The following MYO16 variants were observed in gnomAD, a reference collection of about 807,000 sequenced individuals.
The protein encoded by MYO16 is unconventional myosin-XVI.
MYO16 carries 94 observed loss-of-function variants against 205.3 expected under a neutral mutation model. That is an observed-to-expected ratio of 0.46 (90% CI 0.39 to 0.54). MYO16 has a LOEUF of 0.54. MYO16 is among the 20% of genes least tolerant of loss of function. MYO16 has a pLI of 0.00. For synonymous variants in MYO16, 988 were observed against 954.0 expected (o/e 1.04, Z -0.66); for missense variants, 2,315 against 2,387.5 (o/e 0.97, Z 0.63).
At chr13:108,864,137 TC>T (rs528339409) in intron 11 of MYO16, among the ~76,000 whole-genome samples, 147 of 152,312 alleles carry the variant, frequency 9.7e-4, no homozygotes, top group Admixed American at 2.7e-3. Context: ...TTCACCCTAT[TC>T]CATTGATTTC....
chr13:109,055,531 G>C lies in MYO16; in HGVS notation c.3271G>C (p.Glu1091Gln). The part of the protein sequence containing the change: ...SAQLQYIGVL[E>Q]MVKIFRYGYP... ...TCAGCTACAATATATTGGGGTCCTG[G>C]AGATGGTGAAGATCTTCCGATATGG... Residue 1091 changes from glutamate (E) to glutamine (Q), a missense_variant, in exon 27 of 35, where the codon GAG becomes CAG. Around this residue, in one of 3 missense-constraint regions of MYO16, gnomAD observed 1,097 missense variants for 1,092.0 expected, o/e 1.00. Transcript: ENST00000457511. The surrounding 1 kb of genome is among the most constrained non-coding windows in gnomAD (Gnocchi z 5.0). The C allele has an allele frequency of 6.2e-7, 1 of 1,613,200 alleles. No homozygotes were observed. The highest frequency in any genetic ancestry group is 1.1e-5 in the South Asian group (1 of 91,070).
At chr13:108,731,467 C>G (rs1206158953) in intron 4 of MYO16, among the ~76,000 whole-genome samples, 1 of 152,142 alleles carries the variant, frequency 6.6e-6, no homozygotes, top group Non-Finnish European at 1.5e-5. Context: ...ATTACAAGTG[C>G]TTGCTTTAGC....
intron 9 of MYO16, among the ~76,000 whole-genome samples, chr13:108,843,569 A>G (rs943746440): frequency 6.6e-6 from 1 of 152,206 alleles, no homozygotes; most frequent in Non-Finnish European, 1.5e-5. Flanking sequence ...GGTAGACTAC[A>G]TGAAATAATT....
chr13:108,887,171 T>A (rs968148444), intron 13 of MYO16, among the ~76,000 whole-genome samples: 1 of 151,958 alleles, frequency 6.6e-6, no homozygotes, highest in Admixed American at 6.6e-5. Context: ...CCAGAAAAAA[T>A]TTCATTTTGT....
intron 1 of MYO16, 44 bp downstream of exon 1, chr13:108,629,916 T>C (rs1345912217): frequency 6.7e-6 from 10 of 1,501,220 alleles, no homozygotes; most frequent in Non-Finnish European, 8.9e-6. Flanking sequence ...TTTGTCTTGT[T>C]GAAGTATTAT....
At chr13:108,771,635 GCT>G (rs950444633) in intron 4 of MYO16, among the ~76,000 whole-genome samples, 1 of 151,720 alleles carries the variant, frequency 6.6e-6, no homozygotes, top group Non-Finnish European at 1.5e-5. Context: ...AACCCTCTGT[GCT>G]CTGTCCGTTG....
intron 1 of MYO16, among the ~76,000 whole-genome samples, chr13:108,606,866 C>T (rs372167870): frequency 6.6e-6 from 1 of 152,058 alleles, no homozygotes; most frequent in Non-Finnish European, 1.5e-5. Flanking sequence ...GGAGCTGTAC[C>T]CTGCAAAGCT....
At chr13:109,083,284 G>A (rs1421522918) in intron 27 of MYO16, among the ~76,000 whole-genome samples, 1 of 150,064 alleles carries the variant, frequency 6.7e-6, no homozygotes, top group Non-Finnish European at 1.5e-5. Flanking sequence ...TCGGGAGGCT[G>A]AGGCTGGATA....
At chr13:109,042,812 C>A (rs1236236006) in intron 23 of MYO16, among the ~76,000 whole-genome samples, 3 of 152,148 alleles carry the variant, frequency 2.0e-5, no homozygotes, top group Non-Finnish European at 4.4e-5. Flanking sequence ...ATTAAGCTCA[C>A]CTGCTTCACA....
chr13:108,706,168 A>C (rs923000456), intron 2 of MYO16, among the ~76,000 whole-genome samples: 1 of 152,226 alleles, frequency 6.6e-6, no homozygotes, highest in Admixed American at 6.5e-5. Flanking sequence ...CTACCAGGTA[A>C]TTAAAATCTA....
chr13:109,154,921 A>T (rs1161883436), intron 32 of MYO16, among the ~76,000 whole-genome samples: 2 of 150,138 alleles, frequency 1.3e-5, no homozygotes, highest in Non-Finnish European at 3.0e-5. Context: ...GAAAAAAAAA[A>T]AAAAAAAAAA....
At position 108,837,856 on chromosome 13, in the gene MYO16, T is replaced by C. The variant is rs562811371; in HGVS notation, c.1098-6487T>C. ...AAAGTATTTATTCTAAAGAAATCTT[T>C]CTACTTGGTGATTTTTTTTGTACTT... On this transcript the variant is annotated intron_variant, in intron 9 of 34. Transcript: ENST00000457511. Among the ~76,000 whole-genome samples the C allele has an allele frequency of 8.5e-5, 13 of 152,320 alleles. No individual in the cohort carries two copies. The East Asian group carries it at 2.5e-3, about 29-fold the overall frequency.
chr13:108,550,332 T>G, the MYO16 span, among the ~76,000 whole-genome samples: 1 of 152,264 alleles, frequency 6.6e-6, no homozygotes, highest in Non-Finnish European at 1.5e-5. Context: ...TTAACTTGAA[T>G]ATCACTTGTG....
chr13:108,994,520 C>T (rs1393874933), intron 21 of MYO16, among the ~76,000 whole-genome samples: 2 of 151,972 alleles, frequency 1.3e-5, no homozygotes, highest in Non-Finnish European at 2.9e-5. Flanking sequence ...TTGGTTTGAG[C>T]GATACATTTT....
At chr13:108,707,271 G>A (rs1362103202) in intron 2 of MYO16, among the ~76,000 whole-genome samples, 1 of 152,106 alleles carries the variant, frequency 6.6e-6, no homozygotes, top group Non-Finnish European at 1.5e-5. Context: ...AGTATTATAG[G>A]AACATAGGGA....
chr13:108,629,181 A>G (rs1483806428), upstream of MYO16: 1 of 152,224 alleles, frequency 6.6e-6, no homozygotes, highest in African/African-American at 2.4e-5. Flanking sequence ...AAAAGCAGAA[A>G]GATGTGTTTT....
intron 12 of MYO16, among the ~76,000 whole-genome samples, chr13:108,873,273 G>A (rs7333142): frequency 0.11 from 16,177 of 152,150 alleles, 1,039 homozygotes; most frequent in South Asian, 0.25. Flanking sequence ...TTATAAAGAC[G>A]AGGAGAATGA....
rs149958819 is a variant in MYO16, at chr13:108,767,692, A to C, written c.508-17943A>C. Among the ~76,000 whole-genome samples the C allele has an allele frequency of 3.6e-3, 550 of 152,240 alleles. 4 individuals carry two copies. The highest frequency in any genetic ancestry group is 0.013 in the African/African-American group (527 of 41,524). ...GGGAAGAAGGCAGGTAATCAAACCA[A>C]ATCTACTGCCTTCAACATTTCCTGG... On this transcript the variant is annotated intron_variant, in intron 4 of 34. Coordinates refer to ENST00000457511, the MANE Select transcript of MYO16 (RefSeq NM_001198950.3).
intron 27 of MYO16, among the ~76,000 whole-genome samples, chr13:109,058,349 TCA>T (rs1039778799): frequency 1.3e-5 from 2 of 152,106 alleles, no homozygotes; most frequent in African/African-American, 4.8e-5. Flanking sequence ...TCAGAATTCC[TCA>T]GTGACTGGTA....
Sources: gnomAD v4.1 joint callset for allele counts (sites outside exome capture counted in the v4.1 genomes callset) on GRCh38, gnomAD v4.1.1 for gene constraint, gnomAD v4.1.1 regional missense constraint, Gnocchi (gnomAD v3.1) non-coding constraint, MANE v1.5 for transcripts, NCBI Gene and HGNC (gene_info 2026-07-23, HGNC 2026-07-21) for gene names.